The following CCNY variants were observed in gnomAD, a reference collection of about 807,000 sequenced individuals.
CCNY encodes cyclin Y.
Under a neutral mutation model 42.8 loss-of-function variants are expected in CCNY, and 19 were observed. The observed-to-expected ratio is 0.44, with a 90% CI of 0.31 to 0.65. The LOEUF is 0.65. Among genes scored for constraint, CCNY ranks in the 30% least tolerant of loss-of-function variants. CCNY has a pLI of 0.07. For synonymous variants in CCNY, 165 were observed against 162.7 expected, an observed-to-expected ratio of 1.01 and a Z score of -0.11; for missense variants, 370 against 437.3, an observed-to-expected ratio of 0.85 and a Z score of 1.37.
intron 3 of CCNY, among the ~76,000 whole-genome samples, chr10:35,512,702 G>A (rs1027774016): frequency 2.6e-5 from 4 of 152,154 alleles, no homozygotes; most frequent in African/African-American, 9.7e-5. Context: ...GGGGAGGGAT[G>A]ACCGATTTGC....
At chr10:35,457,481 T>C (rs1465130880) in intron 1 of CCNY, among the ~76,000 whole-genome samples, 1 of 152,214 alleles carries the variant, frequency 6.6e-6, no homozygotes, top group Admixed American at 6.5e-5. Context: ...AAGATGCACC[T>C]TACTTGAAAT....
chr10:35,561,711 A>T (rs1039718881), intron 8 of CCNY, among the ~76,000 whole-genome samples: 9 of 152,234 alleles, frequency 5.9e-5, no homozygotes, highest in Non-Finnish European at 8.8e-5. Context: ...CTCCTGCTCA[A>T]GAATTATCCA....
At chr10:35,275,489 C>T (rs906037107) in intron 3 of CCNY, among the ~76,000 whole-genome samples, 7 of 150,614 alleles carry the variant, frequency 4.6e-5, no homozygotes, top group Admixed American at 1.3e-4. Context: ...GTCGGCTGGG[C>T]GCGGTGGCTC....
At chr10:35,429,043 G>A (rs1197933871) in intron 1 of CCNY, among the ~76,000 whole-genome samples, 1 of 152,108 alleles carries the variant, frequency 6.6e-6, no homozygotes, top group Non-Finnish European at 1.5e-5. Flanking sequence ...TTAAAAATTC[G>A]TTTTGCTCAA....
intron 8 of CCNY, among the ~76,000 whole-genome samples, chr10:35,556,885 G>T (rs966169515): frequency 3.4e-5 from 5 of 148,022 alleles, no homozygotes; most frequent in Non-Finnish European, 7.4e-5. Context: ...CATTGTTGTT[G>T]CCCAGGCTGG....
intron 2 of CCNY, among the ~76,000 whole-genome samples, chr10:35,248,860 A>G (rs2095709918): frequency 6.6e-6 from 1 of 152,062 alleles, no homozygotes. Context: ...AAGAAAATCA[A>G]ACTAACACTT....
intron 1 of CCNY, among the ~76,000 whole-genome samples, chr10:35,345,821 A>G (rs1836289792): frequency 6.6e-6 from 1 of 152,212 alleles, no homozygotes; most frequent in Non-Finnish European, 1.5e-5. Flanking sequence ...TGGCTGTAGA[A>G]TTTGGAATAG....
chr10:35,544,352 T>A (rs1023814933), intron 7 of CCNY, among the ~76,000 whole-genome samples: 1 of 152,226 alleles, frequency 6.6e-6, no homozygotes, highest in Admixed American at 6.5e-5. Flanking sequence ...ATACTCATCA[T>A]TGTGTTCCAG....
rs552309841 is a variant in CCNY at position 35,509,464 on chromosome 10, C to T, written c.265-7059C>T. ...CTAATTTTTGTATTTTTAATAGAGA[C>T]GGGGTTTCACCATGTTGGCCAGGCT... On this transcript the variant is annotated intron_variant, in intron 3 of 9. Transcript: ENST00000374704. Among the ~76,000 whole-genome samples the T allele has an allele frequency of 7.9e-5, 12 of 152,122 alleles. No individual in the cohort carries two copies. In the South Asian group the frequency reaches 1.0e-3, roughly 13 times the overall value.
chr10:35,535,047 C>CTA (rs1654080802), intron 7 of CCNY, among the ~76,000 whole-genome samples: 1 of 137,766 alleles, frequency 7.3e-6, no homozygotes, highest in East Asian at 2.2e-4. Flanking sequence ...ATATATAGAT[C>CTA]TATATATATG....
intron 3 of CCNY, among the ~76,000 whole-genome samples, chr10:35,317,078 C>T (rs1342579765): frequency 3.9e-5 from 6 of 152,152 alleles, no homozygotes; most frequent in Non-Finnish European, 8.8e-5. Flanking sequence ...AATTCCTGAC[C>T]TCAGATGATC....
intron 3 of CCNY, among the ~76,000 whole-genome samples, chr10:35,264,921 G>A (rs988354806): frequency 5.3e-5 from 8 of 151,994 alleles, no homozygotes; most frequent in Middle Eastern, 3.2e-3. Context: ...GAGCCACCGC[G>A]CCCGGCCTTT....
chr10:35,299,703 T>C (rs1334711379), intron 3 of CCNY, among the ~76,000 whole-genome samples: 1 of 152,236 alleles, frequency 6.6e-6, no homozygotes, highest in African/African-American at 2.4e-5. Flanking sequence ...TATTACCCAA[T>C]TGGATAATCT....
chr10:35,478,992 A>G (rs1034022162), intron 1 of CCNY, among the ~76,000 whole-genome samples: 1 of 152,106 alleles, frequency 6.6e-6, no homozygotes, highest in Non-Finnish European at 1.5e-5. Context: ...GCAGCCAAAA[A>G]ACACGTGAAA....
At chr10:35,550,975 T>C (rs774348667) in intron 7 of CCNY, among the ~76,000 whole-genome samples, 3 of 152,294 alleles carry the variant, frequency 2.0e-5, no homozygotes, top group South Asian at 2.1e-4. Context: ...TCACTACTTA[T>C]GTGGCATCCG....
At chr10:35,371,589 C>T (rs1316593943) in intron 1 of CCNY, among the ~76,000 whole-genome samples, 2 of 152,164 alleles carry the variant, frequency 1.3e-5, no homozygotes, top group African/African-American at 2.4e-5. Flanking sequence ...CTGTTTGTGA[C>T]AGGTGCTTTC....
intron 3 of CCNY, among the ~76,000 whole-genome samples, chr10:35,326,727 G>C (rs1835884918): frequency 6.6e-6 from 1 of 152,018 alleles, no homozygotes; most frequent in South Asian, 2.1e-4. Context: ...CTCAAAAAAA[G>C]AAAAATTAAA....
At chr10:35,518,748 G>T (rs2431064) in intron 4 of CCNY, among the ~76,000 whole-genome samples, 261 of 138,240 alleles carry the variant, frequency 1.9e-3, no homozygotes, top group African/African-American at 6.3e-3. Context: ...CATACTGTGG[G>T]TATTTGGATT....
At chr10:35,342,812 G>C (rs973684194) in intron 1 of CCNY, among the ~76,000 whole-genome samples, 3 of 152,038 alleles carry the variant, frequency 2.0e-5, no homozygotes, top group Admixed American at 2.0e-4. Flanking sequence ...GCTGGGGTTC[G>C]GTCTGCTGTC....
Sources: allele counts gnomAD v4.1 joint callset (sites outside exome capture counted in the v4.1 genomes callset), GRCh38; gene constraint gnomAD v4.1.1; transcripts MANE v1.5; gene names NCBI Gene and HGNC (gene_info 2026-07-23, HGNC 2026-07-21).